PCDHA8: variants seen among roughly 807,000 people sequenced by gnomAD.
PCDHA8 encodes protocadherin alpha 8, also known as protocadherin alpha-8.
PCDHA8 carries 53 observed loss-of-function variants against 61.8 expected under a neutral mutation model. That is an observed-to-expected ratio of 0.86 (90% CI 0.69 to 1.08). The LOEUF (loss-of-function observed/expected upper bound fraction) is 1.08, where lower values mean the gene tolerates loss of function less well. Among genes scored for constraint, PCDHA8 ranks in the 50% least tolerant of loss-of-function variants. PCDHA8 has a pLI of 0.00. For synonymous variants in PCDHA8, 618 were observed against 556.6 expected, an observed-to-expected ratio of 1.11 and a Z score of -1.55; for missense variants, 1,293 against 1,245.0, an observed-to-expected ratio of 1.04 and a Z score of -0.58.
chr5:140,967,192 C>T (rs2096111456), intron 1 of PCDHA8: 1 of 1,613,408 alleles, frequency 6.2e-7, no homozygotes, highest in South Asian at 1.1e-5. Context: ...TGGACATCAA[C>T]GACAACTCAC....
intron 1 of PCDHA8, chr5:140,927,330 G>A (rs2084093036): frequency 6.2e-7 from 1 of 1,614,140 alleles, no homozygotes; most frequent in Non-Finnish European, 8.5e-7. Flanking sequence ...TTACTCTCCC[G>A]AATGCCCAAG....
rs57893927 is a variant in PCDHA8, at chr5:140,946,631, T to TATATATATATATATATATATATAC, written c.2395-32317_2395-32316insTATATATATATATATATATATACA. Among the ~76,000 whole-genome samples the TATATATATATATATATATATATAC allele has an allele frequency of 2.6e-3, 340 of 131,752 alleles. 23 individuals carry two copies. The highest frequency in any genetic ancestry group is 0.011 in the African/African-American group (303 of 28,632). The allele number at this position is 131,752 out of a possible 152,430, so 86.4% of individuals were successfully genotyped here. On this transcript the variant is annotated intron_variant, in intron 1 of 3. Transcript: ENST00000531613. ...TGTGAAATATATATATATATATATA[T>TATATATATATATATATATATATAC]ACAATGGAATACTCATCAGCCATTA...
intron 3 of PCDHA8, among the ~76,000 whole-genome samples, chr5:141,009,356 G>T (rs535761188): frequency 7.9e-5 from 12 of 152,204 alleles, no homozygotes; most frequent in Non-Finnish European, 1.6e-4. Context: ...CTACTTGGGA[G>T]GCTAAGATGG....
intron 1 of PCDHA8, among the ~76,000 whole-genome samples, chr5:140,976,117 G>C (rs782098917): frequency 5.4e-4 from 82 of 152,208 alleles, no homozygotes; most frequent in Admixed American, 1.4e-3. Flanking sequence ...ATTTTTCCAA[G>C]TTTAATCAAG....
intron 1 of PCDHA8, chr5:140,927,088 T>C (rs1554204002): frequency 6.2e-7 from 1 of 1,612,662 alleles, no homozygotes; most frequent in Admixed American, 1.7e-5. Context: ...CGAGCTCTAC[T>C]TCGGGGTGGA....
intron 1 of PCDHA8, chr5:140,859,616 C>G (rs978716581): frequency 6.2e-6 from 1 of 162,228 alleles, no homozygotes; most frequent in Non-Finnish European, 1.3e-5. Flanking sequence ...TCTTTCCTTT[C>G]TCTTTGAGTA....
chr5:140,911,729 C>G (rs571299791), intron 1 of PCDHA8, among the ~76,000 whole-genome samples: 1 of 152,134 alleles, frequency 6.6e-6, no homozygotes, highest in Non-Finnish European at 1.5e-5. Flanking sequence ...GTAAACAGTT[C>G]GTGCCAAGGA....
intron 1 of PCDHA8, among the ~76,000 whole-genome samples, chr5:140,947,863 G>A (rs1438094304): frequency 6.6e-6 from 1 of 151,230 alleles, no homozygotes; most frequent in Non-Finnish European, 1.5e-5. Flanking sequence ...CATTATAATG[G>A]CTAGGACTTC....
At position 140,978,971 on chromosome 5, in the gene PCDHA8, G is replaced by T. The variant is rs782774245; in HGVS notation, c.2417G>T (p.Trp806Leu). Residue 806 changes from tryptophan (W) to leucine (L), a missense_variant, in exon 2 of 4, where the codon TGG becomes TTG. Physicochemically the swap from Trp to Leu is moderately conservative, Grantham distance 61 (BLOSUM62 -2). Coordinates refer to ENST00000531613, the MANE Select transcript of PCDHA8 (RefSeq NM_018911.3). ...GLKPRQPNPD[W>L]RYSASLRAGM... is the part of the protein sequence containing the mutation. ...CAGCCACGACAGCCCAACCCTGACT[G>T]GCGTTACTCTGCCTCCCTGAGAGCA... The T allele has an allele frequency of 6.2e-7, 1 of 1,614,170 alleles. No individual in the cohort carries two copies. The highest frequency in any genetic ancestry group is 1.1e-5 in the South Asian group (1 of 91,076).
At chr5:140,871,003 C>G (rs782654281) in intron 1 of PCDHA8, 3 of 1,613,416 alleles carry the variant, frequency 1.9e-6, no homozygotes, top group Non-Finnish European at 2.5e-6. Flanking sequence ...AAGCACAACG[C>G]GTGCCCTGGA....
chr5:140,900,180 T>G (rs1223345758), intron 1 of PCDHA8, among the ~76,000 whole-genome samples: 3 of 152,228 alleles, frequency 2.0e-5, no homozygotes, highest in Non-Finnish European at 4.4e-5. Context: ...CTGGTTTATG[T>G]CACTTATAAT....
chr5:140,845,064 A>G (rs1225142446), intron 1 of PCDHA8, among the ~76,000 whole-genome samples: 1 of 149,468 alleles, frequency 6.7e-6, no homozygotes, highest in Non-Finnish European at 1.5e-5. Flanking sequence ...GGTAACCTCA[A>G]AGCAGCATTG....
intron 1 of PCDHA8, chr5:140,870,343 C>T (rs375366430): frequency 1.9e-6 from 3 of 1,614,160 alleles, no homozygotes; most frequent in African/African-American, 2.7e-5. Flanking sequence ...CGCCCTGGAC[C>T]GCGAGAACGT....
At chr5:140,880,857 A>G (rs1296520788) in intron 1 of PCDHA8, among the ~76,000 whole-genome samples, 1 of 152,234 alleles carries the variant, frequency 6.6e-6, no homozygotes, top group African/African-American at 2.4e-5. Flanking sequence ...ATGTAGTCTA[A>G]TTATGTGAAG....
At chr5:140,854,852 A>G (rs1161281269) in intron 1 of PCDHA8, among the ~76,000 whole-genome samples, 1 of 149,940 alleles carries the variant, frequency 6.7e-6, no homozygotes, top group African/African-American at 2.4e-5. Flanking sequence ...TGATAAAATT[A>G]CTAGATATAT....
chr5:140,904,499 A>G (rs1554191555), intron 1 of PCDHA8, among the ~76,000 whole-genome samples: 1 of 151,770 alleles, frequency 6.6e-6, no homozygotes, highest in Non-Finnish European at 1.5e-5. Flanking sequence ...AATTTTTACA[A>G]TTGTGAATTG....
At chr5:140,968,661 T>C (rs1554230945) in intron 1 of PCDHA8, 1 of 1,614,182 alleles carries the variant, frequency 6.2e-7, no homozygotes, top group East Asian at 2.2e-5. Flanking sequence ...GACCTGGACC[T>C]CTTTAAGGTA....
At chr5:140,967,135 G>A in intron 1 of PCDHA8, 1 of 1,611,752 alleles carries the variant, frequency 6.2e-7, no homozygotes, top group South Asian at 1.1e-5. Context: ...GCTTGGAAGT[G>A]CTGGCGCACA....
intron 1 of PCDHA8, among the ~76,000 whole-genome samples, chr5:140,962,354 A>G (rs80298031): frequency 0.023 from 3,560 of 152,266 alleles, 46 homozygotes; most frequent in Middle Eastern, 0.034. Context: ...ACTCCCCCCA[A>G]TACTGGCTAG....
Sources: gnomAD v4.1 joint callset for allele counts (sites outside exome capture counted in the v4.1 genomes callset) on GRCh38, gnomAD v4.1.1 for gene constraint, MANE v1.5 for transcripts, NCBI Gene and HGNC (gene_info 2026-07-23, HGNC 2026-07-21) for gene names.